Variants in ITPR1 observed in about 807,000 individuals in gnomAD.
The protein encoded by ITPR1 is inositol 1,4,5-trisphosphate receptor type 1.
In ITPR1, 96 loss-of-function variants were observed where a neutral mutation model predicts 318.4. The observed-to-expected ratio is 0.30, with a 90% CI of 0.26 to 0.36. The LOEUF (loss-of-function observed/expected upper bound fraction) is 0.36, where lower values mean the gene tolerates loss of function less well. Among genes scored for constraint, ITPR1 ranks in the 10% least tolerant of loss-of-function variants. The pLI is 1.00. For synonymous variants in ITPR1, 1,312 were observed against 1,289.9 expected (o/e 1.02, Z -0.37); for missense variants, 2,440 against 3,460.2 (o/e 0.71, Z 7.40).
chr3:4,664,084 T>G, intron 16 of ITPR1, among the ~76,000 whole-genome samples: 1 of 152,174 alleles, frequency 6.6e-6, no homozygotes, highest in East Asian at 1.9e-4. Context: ...TTTATTTTCC[T>G]CAAAAATAAT....
chr3:4,639,991 G>A (rs1039214021), intron 6 of ITPR1, among the ~76,000 whole-genome samples: 1 of 152,044 alleles, frequency 6.6e-6, no homozygotes, highest in African/African-American at 2.4e-5. Flanking sequence ...TATCCTTTGT[G>A]CCTTTAAATT....
intron 4 of ITPR1, among the ~76,000 whole-genome samples, chr3:4,575,977 GCCA>G (rs967202175): frequency 1.3e-5 from 2 of 150,506 alleles, no homozygotes; most frequent in African/African-American, 2.5e-5. Flanking sequence ...CCATGGTCAT[GCCA>G]CCACACTCCA....
At chr3:4,622,101 ATAG>A (rs2092657979) in intron 4 of ITPR1, among the ~76,000 whole-genome samples, 1 of 148,914 alleles carries the variant, frequency 6.7e-6, no homozygotes, top group Admixed American at 6.7e-5. Flanking sequence ...GTACCAGCAC[ATAG>A]TAGACTTTTT....
chr3:4,527,888 T>A (rs2083108238), intron 4 of ITPR1, among the ~76,000 whole-genome samples: 1 of 152,164 alleles, frequency 6.6e-6, no homozygotes, highest in African/African-American at 2.4e-5. Context: ...AGTAGGATTA[T>A]TTTATTGAGA....
chr3:4,722,150 C>G (rs1043714016), intron 40 of ITPR1, among the ~76,000 whole-genome samples: 1 of 152,122 alleles, frequency 6.6e-6, no homozygotes. Flanking sequence ...TATTTCAAAG[C>G]CATTCATTGG....
At position 4,640,424 on chromosome 3, in the gene ITPR1, A is replaced by G. The variant is rs1386336756; in HGVS notation, c.366+954A>G. On this transcript the variant is annotated intron_variant, in intron 6 of 61. Coordinates refer to ENST00000649015, the MANE Select transcript of ITPR1 (RefSeq NM_001378452.1). Reference sequence around the variant, plus strand: ...AGATTAGATCCTGCCAGTCCCACTCATGCACTTCCTCCTCCTTAAGTTCCA... The same window carrying G: ...AGATTAGATCCTGCCAGTCCCACTCGTGCACTTCCTCCTCCTTAAGTTCCA... 2.6e-5 allele frequency among the ~76,000 whole-genome samples: 4 copies of G among 152,166 alleles called. No homozygotes were observed. In the East Asian group the frequency reaches 7.7e-4, roughly 29 times the overall value.
intron 36 of ITPR1, 148 bp from the exon 37 acceptor site, chr3:4,706,019 A>C: frequency 1.5e-6 from 1 of 685,062 alleles, no homozygotes; most frequent in Non-Finnish European, 2.4e-6. Context: ...AGTTGACTTG[A>C]GCTTCTCAGT....
chr3:4,659,441 G>GAGGC (rs2093785232), intron 13 of ITPR1, among the ~76,000 whole-genome samples: 1 of 152,170 alleles, frequency 6.6e-6, no homozygotes, highest in South Asian at 2.1e-4. Context: ...AGCACTTTGG[G>GAGGC]AGGCTGAAGC....
At chr3:4,755,984 G>C (rs939967703) in intron 44 of ITPR1, among the ~76,000 whole-genome samples, 2 of 152,174 alleles carry the variant, frequency 1.3e-5, no homozygotes, top group Non-Finnish European at 2.9e-5. Context: ...TAAACTGAGA[G>C]CTGCAGATGT....
At chr3:4,663,452 T>C (rs2093881408) in intron 16 of ITPR1, among the ~76,000 whole-genome samples, 1 of 152,166 alleles carries the variant, frequency 6.6e-6, no homozygotes. Context: ...ATATTGGTGA[T>C]TCCCACCTCA....
intron 28 of ITPR1, 114 bp from the exon 29 acceptor site, chr3:4,684,167 A>G (rs1239486328): frequency 5.5e-6 from 4 of 726,784 alleles, no homozygotes; most frequent in Admixed American, 4.4e-5. Context: ...CAGCATGACT[A>G]TTGTAAAACA....
chr3:4,821,208 C>G (rs537832855), intron 60 of ITPR1, among the ~76,000 whole-genome samples: 2 of 152,380 alleles, frequency 1.3e-5, no homozygotes, highest in African/African-American at 4.8e-5. Flanking sequence ...GCCTTTGATA[C>G]AGGCTCTTTT....
chr3:4,700,673 T>G (rs2094634074), intron 35 of ITPR1, among the ~76,000 whole-genome samples: 1 of 152,170 alleles, frequency 6.6e-6, no homozygotes. Flanking sequence ...CATCGTGTCC[T>G]TTTGCTCTTC....
chr3:4,814,864 A>T lies in ITPR1; in HGVS notation c.7702-189A>T, dbSNP rs2049186834. 1.6e-5 allele frequency: 10 copies of T among 616,802 alleles called. No homozygotes were observed. In the Middle Eastern group the frequency reaches 1.5e-3, roughly 94 times the overall value. The allele number at this position is 616,802 out of a possible 1,614,324, so 38.2% of individuals were successfully genotyped here. A position where few individuals can be genotyped will look rare whatever the true frequency, so the allele number is the denominator to read the frequency against. ...AGTGAATATCCCTCCTGGCTGTGTC[A>T]CACCACACTTGGAGAAGTCGCAATT... On this transcript the variant is annotated intron_variant, in intron 58 of 61. Transcript: ENST00000649015.
At chr3:4,820,328 C>G (rs140088448) in intron 60 of ITPR1, among the ~76,000 whole-genome samples, 62 of 152,316 alleles carry the variant, frequency 4.1e-4, no homozygotes, top group African/African-American at 1.4e-3. Flanking sequence ...TGACTTTGTT[C>G]TCTTGTCTCT....
At chr3:4,603,376 C>T (rs1450841831) in intron 4 of ITPR1, among the ~76,000 whole-genome samples, 1 of 151,952 alleles carries the variant, frequency 6.6e-6, no homozygotes, top group Admixed American at 6.6e-5. Flanking sequence ...TTTTTCAGCC[C>T]TCACTCCCTG....
At chr3:4,802,455 C>A (rs752202418) in intron 54 of ITPR1, among the ~76,000 whole-genome samples, 17 of 152,076 alleles carry the variant, frequency 1.1e-4, no homozygotes, top group African/African-American at 1.9e-4. Flanking sequence ...TGTAGCGACG[C>A]TTTGATTAGG....
chr3:4,503,007 T>C (rs1291558870), intron 2 of ITPR1, among the ~76,000 whole-genome samples: 2 of 151,814 alleles, frequency 1.3e-5, no homozygotes, highest in Non-Finnish European at 2.9e-5. Flanking sequence ...ATTGCTTGAA[T>C]TCAGGAGGTG....
At chr3:4,617,692 T>C (rs1229093275) in intron 4 of ITPR1, among the ~76,000 whole-genome samples, 1 of 152,120 alleles carries the variant, frequency 6.6e-6, no homozygotes, top group East Asian at 1.9e-4. Context: ...GTTAAAAAAA[T>C]TGAAATATTG....
Sources: gnomAD v4.1 joint callset for allele counts (sites outside exome capture counted in the v4.1 genomes callset) on GRCh38, gnomAD v4.1.1 for gene constraint, MANE v1.5 for transcripts, NCBI Gene and HGNC (gene_info 2026-07-23, HGNC 2026-07-21) for gene names.